The following PIEZO2 variants were observed in gnomAD, a reference collection of about 807,000 sequenced individuals.
PIEZO2 encodes piezo-type mechanosensitive ion channel component 2.
PIEZO2 carries 172 observed loss-of-function variants against 337.3 expected under a neutral mutation model. The observed-to-expected ratio is 0.51, with a 90% CI of 0.45 to 0.58. The LOEUF (loss-of-function observed/expected upper bound fraction) is 0.58, where lower values mean the gene tolerates loss of function less well. Ranked by LOEUF, PIEZO2 falls within the 20% of genes least tolerant of loss-of-function variation. The pLI is 0.00. For missense variants in PIEZO2, 3,028 were observed against 3,391.3 expected (o/e 0.89, Z 2.66); for synonymous variants, 1,251 against 1,228.5 (o/e 1.02, Z -0.38).
intron 2 of PIEZO2, among the ~76,000 whole-genome samples, chr18:11,050,231 T>G (rs547847322): frequency 3.0e-4 from 45 of 152,288 alleles, no homozygotes; most frequent in African/African-American, 1.1e-3. Flanking sequence ...AAACACCTAA[T>G]AATTCACCCA....
chr18:10,757,888 T>C (rs1296317395), intron 27 of PIEZO2, 81 bp downstream of exon 27: 6 of 1,334,522 alleles, frequency 4.5e-6, no homozygotes, highest in East Asian at 2.5e-5. Context: ...TTCCCAAGTA[T>C]AGCAGAGAAA....
At position 11,009,932 on chromosome 18, in the gene PIEZO2, T is replaced by A. The variant is rs1277430964; in HGVS notation, c.161-30272A>T. The stretch of plus-strand genomic sequence containing the variant: ...AGGAGAAACCAAGCCTCAAGACACC[T>A]TGATCTCAAATATCCAGCCTCCAGA... On this transcript the variant is annotated intron_variant, in intron 2 of 55. Transcript: ENST00000674853. This position sits in a 1 kb window ranked among gnomAD's most constrained non-coding sequence, Gnocchi z 4.6. 6.6e-6 allele frequency among the ~76,000 whole-genome samples: 1 copy of A among 152,108 alleles called. No homozygotes were observed. The highest frequency in any genetic ancestry group is 1.9e-4 in the East Asian group (1 of 5,178).
chr18:11,106,711 G>A (rs371080555), intron 1 of PIEZO2, among the ~76,000 whole-genome samples: 105 of 152,258 alleles, frequency 6.9e-4, no homozygotes, highest in Middle Eastern at 3.4e-3. Context: ...ACTGCACCCA[G>A]CTTGGCAGTG....
chr18:10,874,882 A>C (rs2042230473), intron 4 of PIEZO2, among the ~76,000 whole-genome samples: 1 of 152,142 alleles, frequency 6.6e-6, no homozygotes, highest in African/African-American at 2.4e-5. Flanking sequence ...AAAAGGAATA[A>C]GTTCTAATGT....
intron 3 of PIEZO2, among the ~76,000 whole-genome samples, chr18:10,957,442 CAT>C (rs897304790): frequency 4.0e-5 from 6 of 148,774 alleles, no homozygotes; most frequent in African/African-American, 1.2e-4. Flanking sequence ...AACAAAAAAA[CAT>C]GATGGGAAAG....
rs1168110340 is a variant in PIEZO2 at position 10,834,845 on chromosome 18, A to C, written c.917+20508T>G. ...AGAAACTCCAGTGCCCTTTTCCCACACCTGCCTCCATCACTCTCACTTTCA... is the reference window on the plus strand; with the variant it reads ...AGAAACTCCAGTGCCCTTTTCCCACCCCTGCCTCCATCACTCTCACTTTCA... On this transcript the variant is annotated intron_variant, in intron 7 of 55. Coordinates refer to ENST00000674853, the MANE Select transcript of PIEZO2 (RefSeq NM_001378183.1). The surrounding 1 kb of genome is among the most constrained non-coding windows in gnomAD (Gnocchi z 4.5). Among the ~76,000 whole-genome samples the C allele has an allele frequency of 6.6e-6, 1 of 152,132 alleles. No homozygotes were observed.
At chr18:10,730,796 G>A (rs1475727261) in intron 36 of PIEZO2, among the ~76,000 whole-genome samples, 1 of 152,084 alleles carries the variant, frequency 6.6e-6, no homozygotes, top group African/African-American at 2.4e-5. Flanking sequence ...GTGCGATCTT[G>A]GCTCACTGCA....
At chr18:10,907,855 A>G (rs946828617) in intron 4 of PIEZO2, among the ~76,000 whole-genome samples, 1 of 152,240 alleles carries the variant, frequency 6.6e-6, no homozygotes, top group Non-Finnish European at 1.5e-5. Flanking sequence ...GATTCTTTTT[A>G]TCTATAATAA....
In PIEZO2 at chr18:10,746,305, C is replaced by T. The variant is rs2037419564; in HGVS notation, c.4425-2074G>A. ...ATAGCCCCCTGAGGACCTGGCCTCTCCTGGCCTGGAGCTTATCACTCACCA... is the reference window on the plus strand; with the variant it reads ...ATAGCCCCCTGAGGACCTGGCCTCTTCTGGCCTGGAGCTTATCACTCACCA... On this transcript the variant is annotated intron_variant, in intron 30 of 55. Transcript: ENST00000674853. This position sits in a 1 kb window ranked among gnomAD's most constrained non-coding sequence, Gnocchi z 4.2. Among the ~76,000 whole-genome samples, 6 of 152,220 alleles carry T rather than the reference C, an allele frequency of 3.9e-5. No individual in the cohort carries two copies. In the South Asian group the frequency reaches 1.2e-3, roughly 31 times the overall value.
chr18:11,118,280 G>C (rs987847879), intron 1 of PIEZO2, among the ~76,000 whole-genome samples: 1 of 152,188 alleles, frequency 6.6e-6, no homozygotes, highest in African/African-American at 2.4e-5. Flanking sequence ...CCTCTCCAAC[G>C]CTGGGACCTG....
intron 7 of PIEZO2, among the ~76,000 whole-genome samples, chr18:10,817,920 CAA>C (rs34222546): frequency 0.046 from 2,982 of 64,140 alleles, 84 homozygotes; most frequent in African/African-American, 0.14. Context: ...AAGACTCTGT[CAA>C]AAAAAAAAAA....
At chr18:11,044,497 A>C (rs765515488) in intron 2 of PIEZO2, among the ~76,000 whole-genome samples, 6 of 152,206 alleles carry the variant, frequency 3.9e-5, no homozygotes, top group Non-Finnish European at 7.3e-5. Flanking sequence ...AGAATACTTC[A>C]CTAAAGAGGA....
At position 11,025,612 on chromosome 18, in the gene PIEZO2, T is replaced by C. The variant is rs866010711; in HGVS notation, c.160+40515A>G. Among the ~76,000 whole-genome samples, 10 of 150,440 alleles carry C rather than the reference T, an allele frequency of 6.6e-5. 1 individual carries two copies. The South Asian group carries it at 8.3e-4, about 12-fold the overall frequency. ...GCTCCTCTGTGTCTCAGGACGGATG[T>C]GCTTTGTGCCTTTCTGGAATGAAAA... On this transcript the variant is annotated intron_variant, in intron 2 of 55. Transcript: ENST00000674853.
chr18:11,009,947 C>T lies in PIEZO2; in HGVS notation c.161-30287G>A, dbSNP rs2035840497. Among the ~76,000 whole-genome samples, 1 of 152,118 alleles carries T rather than the reference C, an allele frequency of 6.6e-6. No homozygotes were observed. Among genetic ancestry groups the T allele is most frequent in the Admixed American group, 6.5e-5 (1 of 15,274 alleles). ...TCAAGACACCTTGATCTCAAATATC[C>T]AGCCTCCAGAATGGTGAGATAATAA... On this transcript the variant is annotated intron_variant, in intron 2 of 55. Coordinates refer to ENST00000674853, the MANE Select transcript of PIEZO2 (RefSeq NM_001378183.1). This position sits in a 1 kb window ranked among gnomAD's most constrained non-coding sequence, Gnocchi z 4.6.
At chr18:10,951,856 G>C (rs1019303582) in intron 3 of PIEZO2, among the ~76,000 whole-genome samples, 1 of 152,160 alleles carries the variant, frequency 6.6e-6, no homozygotes, top group Non-Finnish European at 1.5e-5. Context: ...GGGGACAAGA[G>C]TGTGCCAAAA....
intron 7 of PIEZO2, among the ~76,000 whole-genome samples, chr18:10,827,507 T>TTC (rs34079645): frequency 0.17 from 26,055 of 151,966 alleles, 2,741 homozygotes; most frequent in African/African-American, 0.3. Context: ...CCTCCTTTTT[T>TTC]TCTCTCTCTG....
intron 2 of PIEZO2, among the ~76,000 whole-genome samples, chr18:11,013,857 T>C (rs1314263872): frequency 6.6e-6 from 1 of 152,218 alleles, no homozygotes; most frequent in Non-Finnish European, 1.5e-5. Flanking sequence ...AAGATTGTGC[T>C]GTTCTAATTC....
At position 10,828,422 on chromosome 18, in the gene PIEZO2, G is replaced by T. The variant is rs763632629; in HGVS notation, c.918-21148C>A. Among the ~76,000 whole-genome samples the T allele has an allele frequency of 1.3e-5, 2 of 152,114 alleles. No individual in the cohort carries two copies. The highest frequency in any genetic ancestry group is 2.9e-5 in the Non-Finnish European group (2 of 68,030). On this transcript the variant is annotated intron_variant, in intron 7 of 55. Coordinates refer to ENST00000674853, the MANE Select transcript of PIEZO2 (RefSeq NM_001378183.1). This position sits in a 1 kb window ranked among gnomAD's most constrained non-coding sequence, Gnocchi z 4.1. ...AAGAAATTCCTATTTTAACAAAAAG[G>T]TTGGGGATTTTGGTGCATTTTAACA...
At chr18:11,130,390 G>C (rs2040305940) in intron 1 of PIEZO2, among the ~76,000 whole-genome samples, 1 of 152,236 alleles carries the variant, frequency 6.6e-6, no homozygotes, top group Admixed American at 6.5e-5. Flanking sequence ...TGGCCCACCA[G>C]AAGCAATTTG....
Sources: gnomAD v4.1 joint callset for allele counts (sites outside exome capture counted in the v4.1 genomes callset) on GRCh38, gnomAD v4.1.1 for gene constraint, Gnocchi (gnomAD v3.1) non-coding constraint, MANE v1.5 for transcripts, NCBI Gene and HGNC (gene_info 2026-07-23, HGNC 2026-07-21) for gene names.